BACH2: variants seen among roughly 807,000 people sequenced by gnomAD.
BACH2 encodes BACH transcriptional regulator 2.
Under a neutral mutation model 61.8 loss-of-function variants are expected in BACH2, and 5 were observed. The observed-to-expected ratio is 0.08, with a 90% CI of 0.04 to 0.17. The LOEUF is 0.17. Among genes scored for constraint, BACH2 ranks in the 10% least tolerant of loss-of-function variants. The probability of loss-of-function intolerance (pLI) is 1.00; values close to 1 mark genes in which losing one functional copy is unlikely to be tolerated. For synonymous variants in BACH2, 446 were observed against 440.1 expected, an observed-to-expected ratio of 1.01 and a Z score of -0.17; for missense variants, 824 against 1,091.1, an observed-to-expected ratio of 0.76 and a Z score of 3.45.
intron 2 of BACH2, among the ~76,000 whole-genome samples, chr6:90,269,070 G>C (rs988213301): frequency 3.3e-5 from 5 of 152,128 alleles, no homozygotes; most frequent in African/African-American, 1.2e-4. Flanking sequence ...AACTTTTGCT[G>C]AACAAAATTA....
At chr6:90,284,598 G>C (rs1159906075) in intron 1 of BACH2, among the ~76,000 whole-genome samples, 1 of 152,150 alleles carries the variant, frequency 6.6e-6, no homozygotes, top group East Asian at 1.9e-4. Flanking sequence ...GCTTAGCGCA[G>C]AGATTTCTAA....
At chr6:89,989,524 T>C (rs1475923067) in intron 6 of BACH2, among the ~76,000 whole-genome samples, 1 of 152,068 alleles carries the variant, frequency 6.6e-6, no homozygotes, top group African/African-American at 2.4e-5. Flanking sequence ...GCTTAGGTGG[T>C]GGCCAGAAAG....
chr6:90,211,150 G>T (rs1216358010), intron 3 of BACH2, among the ~76,000 whole-genome samples: 2 of 103,548 alleles, frequency 1.9e-5, no homozygotes, highest in African/African-American at 6.7e-5. Context: ...AAAAAAAAAA[G>T]GCAGAGACAA....
chr6:90,161,298 T>C (rs537855093), intron 4 of BACH2, among the ~76,000 whole-genome samples: 1 of 152,292 alleles, frequency 6.6e-6, no homozygotes, highest in Non-Finnish European at 1.5e-5. Context: ...TTTGCAGGTG[T>C]ATTATCTGTG....
chr6:89,993,297 C>A (rs560159580), intron 6 of BACH2, among the ~76,000 whole-genome samples: 1 of 152,258 alleles, frequency 6.6e-6, no homozygotes, highest in Non-Finnish European at 1.5e-5. Context: ...AAGAGAAAAT[C>A]ACTTAACTTA....
rs528391978 is a variant in BACH2, at chr6:90,112,224, T to A, written c.-161-23115A>T. On this transcript the variant is annotated intron_variant, in intron 4 of 8. Coordinates refer to ENST00000257749, the MANE Select transcript of BACH2 (RefSeq NM_021813.4). ...TCTGCAATGTATGTCATTTATTTAT[T>A]TATTTTTTTGAGAGAATCATATAGT... is the stretch of plus-strand genomic sequence containing the variant. Among the ~76,000 whole-genome samples, 7 of 152,338 alleles carry A rather than the reference T, an allele frequency of 4.6e-5. 1 individual carries two copies. The South Asian group carries it at 1.4e-3, about 32-fold the overall frequency.
intron 4 of BACH2, among the ~76,000 whole-genome samples, chr6:90,162,535 G>C (rs1224657674): frequency 6.6e-6 from 1 of 152,128 alleles, no homozygotes; most frequent in Non-Finnish European, 1.5e-5. Flanking sequence ...CCAGCTACTT[G>C]GGAGTCTGAG....
At chr6:90,107,545 T>G (rs960371260) in intron 4 of BACH2, among the ~76,000 whole-genome samples, 1 of 152,194 alleles carries the variant, frequency 6.6e-6, no homozygotes, top group Non-Finnish European at 1.5e-5. Context: ...CATGATTTCA[T>G]TAATGCTTTG....
chr6:90,156,072 G>C (rs1784986973), intron 4 of BACH2, among the ~76,000 whole-genome samples: 1 of 152,158 alleles, frequency 6.6e-6, no homozygotes, highest in Non-Finnish European at 1.5e-5. Flanking sequence ...ATCTGATGAA[G>C]CAGTGACTCA....
chr6:90,231,108 A>G (rs1770082047), intron 3 of BACH2, among the ~76,000 whole-genome samples: 1 of 152,310 alleles, frequency 6.6e-6, no homozygotes. Flanking sequence ...ACAGAGCACT[A>G]GAAAGCAGCT....
intron 6 of BACH2, among the ~76,000 whole-genome samples, chr6:89,962,952 T>C (rs1314022893): frequency 1.3e-5 from 2 of 152,168 alleles, no homozygotes; most frequent in Non-Finnish European, 2.9e-5. Flanking sequence ...AGGGAATATT[T>C]GTAAATCATA....
At chr6:90,133,735 C>T (rs1784180084) in intron 4 of BACH2, among the ~76,000 whole-genome samples, 1 of 152,088 alleles carries the variant, frequency 6.6e-6, no homozygotes, top group South Asian at 2.1e-4. Flanking sequence ...TGTTCCCCTT[C>T]CTGTGTCCAA....
At chr6:90,292,674 A>G (rs1383847235) in intron 1 of BACH2, among the ~76,000 whole-genome samples, 3 of 152,196 alleles carry the variant, frequency 2.0e-5, no homozygotes, top group Non-Finnish European at 4.4e-5. Flanking sequence ...ATCATCCACT[A>G]TATGCCAGGC....
intron 3 of BACH2, among the ~76,000 whole-genome samples, chr6:90,207,612 A>G (rs1242899715): frequency 6.6e-6 from 1 of 152,122 alleles, no homozygotes; most frequent in Non-Finnish European, 1.5e-5. Flanking sequence ...ATATATCTGC[A>G]CCTTCCCATA....
chr6:90,183,772 G>A (rs1275963803), intron 4 of BACH2, among the ~76,000 whole-genome samples: 1 of 152,158 alleles, frequency 6.6e-6, no homozygotes, highest in Non-Finnish European at 1.5e-5. Flanking sequence ...AGCTGTCAAG[G>A]TTTACTAAGC....
At chr6:90,167,225 G>A (rs1582441429) in intron 4 of BACH2, among the ~76,000 whole-genome samples, 1 of 152,312 alleles carries the variant, frequency 6.6e-6, no homozygotes, top group African/African-American at 2.4e-5. Context: ...GGTAGAGCAT[G>A]GCTTTGCAAG....
At chr6:90,175,929 T>C (rs1217753087) in intron 4 of BACH2, among the ~76,000 whole-genome samples, 3 of 151,892 alleles carry the variant, frequency 2.0e-5, no homozygotes, top group Non-Finnish European at 4.4e-5. Context: ...CCCAGAAAGC[T>C]TGGAGCCTAA....
intron 6 of BACH2, among the ~76,000 whole-genome samples, chr6:89,974,219 G>A (rs1379666120): frequency 6.6e-6 from 1 of 152,128 alleles, no homozygotes; most frequent in Non-Finnish European, 1.5e-5. Flanking sequence ...CTTAAGTCCT[G>A]GCTCCTCTGC....
At chr6:89,938,873 T>C (rs999608205) in intron 7 of BACH2, among the ~76,000 whole-genome samples, 3 of 152,110 alleles carry the variant, frequency 2.0e-5, no homozygotes, top group Non-Finnish European at 4.4e-5. Context: ...TTCACTAGCA[T>C]ATAGTAGGAG....
Sources: allele counts gnomAD v4.1 joint callset (sites outside exome capture counted in the v4.1 genomes callset), GRCh38; gene constraint gnomAD v4.1.1; transcripts MANE v1.5; gene names NCBI Gene and HGNC (gene_info 2026-07-23, HGNC 2026-07-21).